The following FAM135B variants were observed in gnomAD, a reference collection of about 807,000 sequenced individuals.
The protein encoded by FAM135B is family with sequence similarity 135 member B.
In FAM135B, 43 loss-of-function variants were observed where a neutral mutation model predicts 127.7. The observed-to-expected ratio is 0.34, with a 90% confidence interval of 0.26 to 0.43. The LOEUF is 0.43. Among genes scored for constraint, FAM135B ranks in the 20% least tolerant of loss-of-function variants. FAM135B has a pLI of 1.00. For missense variants in FAM135B, 1,558 were observed against 1,725.6 expected (o/e 0.90, Z 1.72); for synonymous variants, 670 against 665.1 (o/e 1.01, Z -0.11).
intron 1 of FAM135B, chr8:138,450,908 C>T (rs1234052704): frequency 6.6e-6 from 1 of 152,166 alleles, no homozygotes. Context: ...TTACACCTCA[C>T]CTGATAAAAT....
At chr8:138,343,347 AC>A (rs980002343) in intron 2 of FAM135B, among the ~76,000 whole-genome samples, 3 of 152,170 alleles carry the variant, frequency 2.0e-5, no homozygotes, top group Admixed American at 6.5e-5. Context: ...GAACAGCCAA[AC>A]CCAGGCAAAG....
At chr8:138,199,909 C>T (rs1267672801) in intron 7 of FAM135B, among the ~76,000 whole-genome samples, 2 of 152,148 alleles carry the variant, frequency 1.3e-5, no homozygotes, top group Non-Finnish European at 2.9e-5. Flanking sequence ...GATTACAGTT[C>T]GAGATCAGAT....
chr8:138,415,374 A>T (rs1834083617), intron 1 of FAM135B, among the ~76,000 whole-genome samples: 1 of 152,142 alleles, frequency 6.6e-6, no homozygotes, highest in African/African-American at 2.4e-5. Context: ...ACAATGTTGA[A>T]CTGACTCTGA....
At chr8:138,137,293 C>T (rs778603759) in intron 18 of FAM135B, 33 bp from the exon 19 acceptor site, 1 of 1,205,976 alleles carries the variant, frequency 8.3e-7, no homozygotes, top group East Asian at 2.3e-5. Flanking sequence ...TGCTTTTTAC[C>T]CAGGTAGTTT....
At chr8:138,398,994 TACC>T (rs1457875560) in intron 1 of FAM135B, among the ~76,000 whole-genome samples, 3 of 152,230 alleles carry the variant, frequency 2.0e-5, no homozygotes, top group Non-Finnish European at 1.5e-5. Flanking sequence ...GAGCTCATTC[TACC>T]ACAATACCTT....
intron 1 of FAM135B, among the ~76,000 whole-genome samples, chr8:138,399,193 T>C (rs1833010132): frequency 6.6e-6 from 1 of 152,190 alleles, no homozygotes; most frequent in Non-Finnish European, 1.5e-5. Flanking sequence ...CCTAGCTGAA[T>C]TAATAATAGC....
chr8:138,224,706 C>G (rs867976693), intron 7 of FAM135B, among the ~76,000 whole-genome samples: 1 of 152,042 alleles, frequency 6.6e-6, no homozygotes, highest in Non-Finnish European at 1.5e-5. Flanking sequence ...AAGTCTTATT[C>G]GGAGGTAAGG....
intron 1 of FAM135B, among the ~76,000 whole-genome samples, chr8:138,461,618 C>T (rs1837122312): frequency 6.6e-6 from 1 of 152,164 alleles, no homozygotes; most frequent in African/African-American, 2.4e-5. Context: ...TGCAAGGTTC[C>T]TTATACATAT....
chr8:138,473,748 C>T (rs993219086), intron 1 of FAM135B, among the ~76,000 whole-genome samples: 3 of 151,950 alleles, frequency 2.0e-5, no homozygotes, highest in African/African-American at 4.8e-5. Context: ...CTTTAAGATA[C>T]AATAGTGAAA....
chr8:138,373,823 T>C (rs1023658484), intron 1 of FAM135B, among the ~76,000 whole-genome samples: 2 of 152,144 alleles, frequency 1.3e-5, no homozygotes, highest in Admixed American at 6.5e-5. Flanking sequence ...CTCCCAGGCT[T>C]ATTAGGAAGA....
rs144650883 is a variant in FAM135B, at chr8:138,183,727, G to A, written c.874-5037C>T. On this transcript the variant is annotated intron_variant, in intron 9 of 19. Coordinates refer to ENST00000395297, the MANE Select transcript of FAM135B (RefSeq NM_015912.4). ...TACATGACTTTGGACCAAGGGTGAC[G>A]TGGATGAAAGAAAATTCAAGTTGTT... Among the ~76,000 whole-genome samples the A allele has an allele frequency of 9.4e-4, 143 of 152,322 alleles. No homozygotes were observed. The Middle Eastern group carries it at 0.01, about 11-fold the overall frequency.
chr8:138,132,402 A>T lies in FAM135B; in HGVS notation c.*191T>A. On this transcript the variant is annotated 3_prime_UTR_variant, in exon 20 of 20. Transcript: ENST00000395297. This position sits in a 1 kb window ranked among gnomAD's most constrained non-coding sequence, Gnocchi z 4.5. The stretch of plus-strand genomic sequence containing the variant: ...ACAAATTCAAGCAAAGTTTGTTGTC[A>T]TTTAGTCTATTTGCTCAGCTTTCTC... 1.7e-6 allele frequency: 1 copy of T among 578,248 alleles called. No individual in the cohort carries two copies. The highest frequency in any genetic ancestry group is 3.1e-6 in the Non-Finnish European group (1 of 324,778). 35.8% of individuals were successfully genotyped at this position (578,248 alleles called of 1,614,324 possible). A position where few individuals can be genotyped will look rare whatever the true frequency, so the allele number is the denominator to read the frequency against.
intron 1 of FAM135B, among the ~76,000 whole-genome samples, chr8:138,436,062 A>T (rs1039772524): frequency 6.6e-6 from 1 of 152,210 alleles, no homozygotes; most frequent in Admixed American, 6.5e-5. Context: ...TTATGATAAC[A>T]GTGTCGTAAA....
intron 2 of FAM135B, among the ~76,000 whole-genome samples, chr8:138,366,777 T>A (rs1447516986): frequency 6.6e-6 from 1 of 152,220 alleles, no homozygotes; most frequent in Admixed American, 6.5e-5. Context: ...TGAGTCTTAG[T>A]CTTCTATCTA....
At chr8:138,377,414 A>C (rs1013809159) in intron 1 of FAM135B, among the ~76,000 whole-genome samples, 3 of 152,182 alleles carry the variant, frequency 2.0e-5, no homozygotes, top group South Asian at 2.1e-4. Flanking sequence ...AAAGAACAGA[A>C]GGTTATTTGG....
At chr8:138,341,037 G>A (rs1829011964) in intron 2 of FAM135B, among the ~76,000 whole-genome samples, 1 of 152,166 alleles carries the variant, frequency 6.6e-6, no homozygotes, top group Admixed American at 6.5e-5. Flanking sequence ...CTGAAACAAA[G>A]TACTCAAGAA....
At chr8:138,457,601 G>C (rs144907700) in intron 1 of FAM135B, among the ~76,000 whole-genome samples, 1 of 152,104 alleles carries the variant, frequency 6.6e-6, no homozygotes, top group Non-Finnish European at 1.5e-5. Context: ...ACTGACATTC[G>C]TGTTTCACTT....
intron 1 of FAM135B, among the ~76,000 whole-genome samples, chr8:138,387,110 T>C (rs1832265439): frequency 6.6e-6 from 1 of 152,174 alleles, no homozygotes; most frequent in Non-Finnish European, 1.5e-5. Context: ...ATACAAAGTG[T>C]TATTTGATAT....
chr8:138,299,852 A>G (rs1825749550), intron 3 of FAM135B, among the ~76,000 whole-genome samples: 1 of 152,132 alleles, frequency 6.6e-6, no homozygotes, highest in Admixed American at 6.5e-5. Flanking sequence ...CGTGTTGTAG[A>G]AAAATAATAC....
Sources: allele counts gnomAD v4.1 joint callset (sites outside exome capture counted in the v4.1 genomes callset), GRCh38; gene constraint gnomAD v4.1.1; non-coding constraint Gnocchi (gnomAD v3.1); transcripts MANE v1.5; gene names NCBI Gene and HGNC (gene_info 2026-07-23, HGNC 2026-07-21).